GRIA4: variants seen among roughly 807,000 people sequenced by gnomAD.
GRIA4 encodes glutamate receptor 4.
GRIA4 carries 34 observed loss-of-function variants against 104.0 expected under a neutral mutation model. The observed-to-expected ratio is 0.33, with a 90% confidence interval of 0.25 to 0.44. The LOEUF is 0.44. GRIA4 is among the 20% of genes least tolerant of loss of function. GRIA4 has a pLI of 1.00. For synonymous variants in GRIA4, 386 were observed against 381.9 expected, an observed-to-expected ratio of 1.01 and a Z score of -0.13; for missense variants, 750 against 1,096.5, an observed-to-expected ratio of 0.68 and a Z score of 4.46.
At chr11:105,963,500 A>G (rs1430802934) in intron 14 of GRIA4, among the ~76,000 whole-genome samples, 1 of 152,102 alleles carries the variant, frequency 6.6e-6, no homozygotes, top group Non-Finnish European at 1.5e-5. Context: ...TCCAACATGC[A>G]TTATTAAAGA....
chr11:105,787,024 A>G lies in GRIA4; in HGVS notation c.487+33804A>G, dbSNP rs754517872. Among the ~76,000 whole-genome samples the G allele has an allele frequency of 5.3e-5, 8 of 152,138 alleles. No homozygotes were observed. The South Asian group carries it at 6.2e-4, about 12-fold the overall frequency. The stretch of plus-strand genomic sequence containing the variant: ...AAAGAGCTGAAAAGCACTCTTTCTT[A>G]GTGTACATTTTAAACTTTACGGTGA... On this transcript the variant is annotated intron_variant, in intron 4 of 16. Transcript: ENST00000282499.
chr11:105,803,345 T>C (rs935792854), intron 4 of GRIA4, among the ~76,000 whole-genome samples: 2 of 151,972 alleles, frequency 1.3e-5, no homozygotes, highest in Non-Finnish European at 2.9e-5. Context: ...TTTGCCACTA[T>C]GAAATTTAGA....
At chr11:105,734,058 A>C (rs965355502) in intron 3 of GRIA4, among the ~76,000 whole-genome samples, 5 of 147,138 alleles carry the variant, frequency 3.4e-5, no homozygotes, top group Non-Finnish European at 7.5e-5. Context: ...ATATATGTAT[A>C]TTATATATAA....
chr11:105,843,357 A>G (rs1018147341), intron 4 of GRIA4, among the ~76,000 whole-genome samples: 1 of 152,224 alleles, frequency 6.6e-6, no homozygotes, highest in East Asian at 1.9e-4. Flanking sequence ...GGGTTTATTT[A>G]AAGTTTTAAA....
intron 3 of GRIA4, among the ~76,000 whole-genome samples, chr11:105,715,904 A>G (rs914628896): frequency 2.0e-5 from 3 of 152,140 alleles, no homozygotes; most frequent in Non-Finnish European, 4.4e-5. Flanking sequence ...AGGCCTGAAA[A>G]TGGCCCACGT....
rs78347934 is a variant in GRIA4, at chr11:105,789,134, C to A, written c.487+35914C>A. Among the ~76,000 whole-genome samples, 4 of 151,950 alleles carry A rather than the reference C, an allele frequency of 2.6e-5. No homozygotes were observed. In the South Asian group the frequency reaches 8.3e-4, roughly 32 times the overall value. ...GATAAAAAAGCATGCTTTTTTGGAA[C>A]AGAGAACATAAATTTTATAGCATCA... is the stretch of plus-strand genomic sequence containing the variant. On this transcript the variant is annotated intron_variant, in intron 4 of 16. Transcript: ENST00000282499.
At chr11:105,962,073 AAACTT>A (rs1353820156) in intron 14 of GRIA4, among the ~76,000 whole-genome samples, 2 of 152,190 alleles carry the variant, frequency 1.3e-5, no homozygotes, top group African/African-American at 4.8e-5. Context: ...AAATAAAACT[AAACTT>A]TACTAAAACT....
intron 4 of GRIA4, among the ~76,000 whole-genome samples, chr11:105,788,937 C>A (rs1942093419): frequency 6.6e-6 from 1 of 152,134 alleles, no homozygotes; most frequent in Non-Finnish European, 1.5e-5. Flanking sequence ...ATGAAAATCA[C>A]ATTCAAAAAG....
At chr11:105,847,154 G>A (rs1223355354) in intron 4 of GRIA4, among the ~76,000 whole-genome samples, 1 of 151,934 alleles carries the variant, frequency 6.6e-6, no homozygotes, top group African/African-American at 2.4e-5. Flanking sequence ...AAAATTGGGG[G>A]GATGAAACTG....
intron 14 of GRIA4, among the ~76,000 whole-genome samples, chr11:105,959,985 G>A (rs1948694216): frequency 6.6e-6 from 1 of 152,202 alleles, no homozygotes. Flanking sequence ...ATGGCTGCCT[G>A]CTCCTTCTTC....
intron 3 of GRIA4, among the ~76,000 whole-genome samples, chr11:105,683,666 G>A (rs1409275961): frequency 6.6e-6 from 1 of 151,848 alleles, no homozygotes; most frequent in African/African-American, 2.4e-5. Context: ...TGTTTACAAT[G>A]TTAAGGAAAA....
chr11:105,928,242 C>T (rs1165710934), intron 13 of GRIA4, among the ~76,000 whole-genome samples: 5 of 151,880 alleles, frequency 3.3e-5, no homozygotes, highest in Non-Finnish European at 5.9e-5. Flanking sequence ...CATCCCTGGG[C>T]ATTGTTTAGA....
At chr11:105,710,528 T>C (rs1021399264) in intron 3 of GRIA4, among the ~76,000 whole-genome samples, 1 of 152,144 alleles carries the variant, frequency 6.6e-6, no homozygotes, top group South Asian at 2.1e-4. Flanking sequence ...ATGAGTATCT[T>C]AGATGTGAAA....
intron 4 of GRIA4, among the ~76,000 whole-genome samples, chr11:105,819,239 G>T (rs952669202): frequency 8.5e-5 from 13 of 152,122 alleles, no homozygotes; most frequent in African/African-American, 3.1e-4. Flanking sequence ...AGAACCTGTG[G>T]TCTAATACCA....
chr11:105,939,410 C>T lies in GRIA4; in HGVS notation c.2294+5441C>T, dbSNP rs576634525. Among the ~76,000 whole-genome samples the T allele has an allele frequency of 5.9e-5, 9 of 152,294 alleles. No homozygotes were observed. In the South Asian group the frequency reaches 1.7e-3, roughly 28 times the overall value. On this transcript the variant is annotated intron_variant, in intron 14 of 16. Transcript: ENST00000282499. Reference sequence around the variant, plus strand: ...GGATCAAATTTGACAAGATAAACTGCTACCAAAATGTTTGGCAGTTTACTT... The same window carrying T: ...GGATCAAATTTGACAAGATAAACTGTTACCAAAATGTTTGGCAGTTTACTT...
intron 9 of GRIA4, among the ~76,000 whole-genome samples, chr11:105,910,165 T>A (rs1003633833): frequency 8.5e-5 from 13 of 152,146 alleles, no homozygotes; most frequent in Non-Finnish European, 1.6e-4. Flanking sequence ...ATATTCCTTT[T>A]GGAATCACCA....
intron 3 of GRIA4, among the ~76,000 whole-genome samples, chr11:105,639,934 A>G (rs1951312642): frequency 6.6e-6 from 1 of 152,008 alleles, no homozygotes; most frequent in Non-Finnish European, 1.5e-5. Context: ...GAAAATGACA[A>G]TGAATACATG....
At chr11:105,909,318 A>G (rs1379007795) in intron 9 of GRIA4, among the ~76,000 whole-genome samples, 1 of 152,196 alleles carries the variant, frequency 6.6e-6, no homozygotes, top group Non-Finnish European at 1.5e-5. Context: ...GTGAATACAG[A>G]CCAGTGAGCA....
At chr11:105,672,963 C>A (rs761751628) in intron 3 of GRIA4, among the ~76,000 whole-genome samples, 3 of 151,816 alleles carry the variant, frequency 2.0e-5, no homozygotes, top group Non-Finnish European at 2.9e-5. Flanking sequence ...TTCCTGATAG[C>A]CAAATTGAAC....
Sources: allele counts gnomAD v4.1 joint callset (sites outside exome capture counted in the v4.1 genomes callset), GRCh38; gene constraint gnomAD v4.1.1; transcripts MANE v1.5; gene names NCBI Gene and HGNC (gene_info 2026-07-23, HGNC 2026-07-21).